FZD3: variants seen among roughly 807,000 people sequenced by gnomAD.
The protein encoded by FZD3 is frizzled class receptor 3.
FZD3 carries 30 observed loss-of-function variants against 60.7 expected under a neutral mutation model. That is an observed-to-expected ratio of 0.49 (90% CI 0.37 to 0.67). FZD3 has a LOEUF of 0.67. Ranked by LOEUF, FZD3 falls within the 30% of genes least tolerant of loss-of-function variation. The probability of loss-of-function intolerance (pLI) is 0.00; values close to 1 mark genes in which losing one functional copy is unlikely to be tolerated. For synonymous variants in FZD3, 246 were observed against 275.2 expected (o/e 0.89, Z 1.05); for missense variants, 605 against 838.7 (o/e 0.72, Z 3.44).
chr8:28,525,177 A>G (rs762755081), intron 4 of FZD3, among the ~76,000 whole-genome samples: 5 of 152,308 alleles, frequency 3.3e-5, no homozygotes, highest in South Asian at 2.1e-4. Context: ...ACACATGTCA[A>G]TTGAATGTCT....
In FZD3 at chr8:28,566,552, T is replaced by C. The variant is rs1295763582; in HGVS notation, c.*3541T>C. The C allele has an allele frequency of 2.0e-5, 3 of 152,220 alleles. No homozygotes were observed. The East Asian group carries it at 5.8e-4, about 29-fold the overall frequency. 9.4% of individuals were successfully genotyped at this position (152,220 alleles called of 1,614,324 possible). On this transcript the variant is annotated 3_prime_UTR_variant, in exon 8 of 8. Coordinates refer to ENST00000240093, the MANE Select transcript of FZD3 (RefSeq NM_017412.4). ...TTTTAACCTACCTCATCAGTTTCTT[T>C]GTGATAATAGCTGAAAATAACTCAA...
chr8:28,502,434 A>G (rs1377625131), intron 2 of FZD3, among the ~76,000 whole-genome samples: 1 of 152,216 alleles, frequency 6.6e-6, no homozygotes, highest in African/African-American at 2.4e-5. Context: ...ACCATGTGTT[A>G]TATAAGCAAC....
At chr8:28,536,660 G>A (rs1805023651) in intron 5 of FZD3, among the ~76,000 whole-genome samples, 1 of 152,150 alleles carries the variant, frequency 6.6e-6, no homozygotes, top group Non-Finnish European at 1.5e-5. Context: ...AGTGAGCCAA[G>A]TTTGTATCAC....
intron 1 of FZD3, among the ~76,000 whole-genome samples, chr8:28,498,697 C>T (rs1393112453): frequency 6.6e-6 from 1 of 152,186 alleles, no homozygotes; most frequent in Non-Finnish European, 1.5e-5. Context: ...CAAGCCCCTC[C>T]TGAATAGCTG....
chr8:28,565,697 C>T lies in FZD3; in HGVS notation c.*2686C>T, dbSNP rs935211336. 6.6e-6 allele frequency: 1 copy of T among 152,056 alleles called. No individual in the cohort carries two copies. The highest frequency in any genetic ancestry group is 1.5e-5 in the Non-Finnish European group (1 of 67,964). 9.4% of individuals were successfully genotyped at this position (152,056 alleles called of 1,614,324 possible). ...GAATACTATATTGACTTTTCAGTTA[C>T]TTTCAGTAAGTATCTTAATTTTGTC... On this transcript the variant is annotated 3_prime_UTR_variant, in exon 8 of 8. Transcript: ENST00000240093.
chr8:28,494,935 C>G (rs557951709), intron 1 of FZD3, among the ~76,000 whole-genome samples: 117 of 152,292 alleles, frequency 7.7e-4, no homozygotes, highest in African/African-American at 2.2e-3. Flanking sequence ...CCCCTCCCGT[C>G]CATCAGTTTG....
intron 4 of FZD3, among the ~76,000 whole-genome samples, chr8:28,523,942 G>A (rs979286020): frequency 3.2e-4 from 48 of 152,046 alleles, no homozygotes; most frequent in Admixed American, 6.6e-5. Flanking sequence ...GGATGAGTTT[G>A]GCCCCTTTTC....
chr8:28,566,828 A>G lies in FZD3; in HGVS notation c.*3817A>G, dbSNP rs1205357048. 2.0e-5 allele frequency: 3 copies of G among 152,200 alleles called. No individual in the cohort carries two copies. Among genetic ancestry groups the G allele is most frequent in the South Asian group, 2.1e-4 (1 of 4,834 alleles). The allele number at this position is 152,200 out of a possible 1,614,324, so 9.4% of individuals were successfully genotyped here. A position where few individuals can be genotyped will look rare whatever the true frequency, so the allele number is the denominator to read the frequency against. On this transcript the variant is annotated 3_prime_UTR_variant, in exon 8 of 8. Coordinates refer to ENST00000240093, the MANE Select transcript of FZD3 (RefSeq NM_017412.4). ...TGGAATTTTAAGACTCATGATGTCA[A>G]CTGGGCTGGTCATTTTATTTCTCTG... is the stretch of plus-strand genomic sequence containing the variant.
At position 28,573,592 on chromosome 8, in the gene FZD3, G is replaced by C. The variant is rs1324625166; in HGVS notation, c.*10581G>C. 1 of 150,268 alleles carries C rather than the reference G, an allele frequency of 6.7e-6. No individual in the cohort carries two copies. The highest frequency in any genetic ancestry group is 1.5e-5 in the Non-Finnish European group (1 of 67,642). 9.3% of individuals were successfully genotyped at this position (150,268 alleles called of 1,614,324 possible). On this transcript the variant is annotated 3_prime_UTR_variant, in exon 8 of 8. Transcript: ENST00000240093. Reference sequence around the variant, plus strand: ...TTTTTTAAGTTCAAGCGCAATGCCTGAAGCATCCTAGATCTCCTTCACCCT... The same window carrying C: ...TTTTTTAAGTTCAAGCGCAATGCCTCAAGCATCCTAGATCTCCTTCACCCT...
chr8:28,558,343 A>G (rs1217824474), intron 7 of FZD3, among the ~76,000 whole-genome samples: 1 of 152,156 alleles, frequency 6.6e-6, no homozygotes, highest in Non-Finnish European at 1.5e-5. Flanking sequence ...GAGTTCTTTT[A>G]GAATATATTT....
At chr8:28,514,544 T>C (rs1490830879) in intron 3 of FZD3, among the ~76,000 whole-genome samples, 1 of 152,190 alleles carries the variant, frequency 6.6e-6, no homozygotes, top group Non-Finnish European at 1.5e-5. Context: ...GTCACCCCGC[T>C]CTCTACTGCC....
chr8:28,522,952 T>G (rs539539401), intron 4 of FZD3, among the ~76,000 whole-genome samples: 1 of 152,108 alleles, frequency 6.6e-6, no homozygotes, highest in Admixed American at 6.5e-5. Flanking sequence ...GCATTTTTGG[T>G]AGAGACGGGG....
intron 5 of FZD3, among the ~76,000 whole-genome samples, chr8:28,542,430 G>A (rs956000590): frequency 1.3e-5 from 2 of 152,132 alleles, no homozygotes; most frequent in African/African-American, 4.8e-5. Flanking sequence ...CTGAGGTAGG[G>A]AGTTCGAGAC....
intron 5 of FZD3, among the ~76,000 whole-genome samples, chr8:28,536,791 A>G (rs1032246124): frequency 3.9e-5 from 6 of 152,212 alleles, no homozygotes; most frequent in East Asian, 3.8e-4. Flanking sequence ...CTGTTGTTTT[A>G]TCTAGTCTTG....
chr8:28,502,842 G>A lies in FZD3; in HGVS notation c.-172G>A. ...GTGAAACCAAAAACAAACGCCTTTT[G>A]TGAGACCAAGCTAACAAACCTCTGA... On this transcript the variant is annotated 5_prime_UTR_variant, in exon 3 of 8. The change creates a new upstream start codon in the 5' untranslated region. Transcript: ENST00000240093. 1 of 416,542 alleles carries A rather than the reference G, an allele frequency of 2.4e-6. No homozygotes were observed. Among genetic ancestry groups the A allele is most frequent in the Admixed American group, 4.2e-5 (1 of 23,868 alleles). 25.8% of individuals were successfully genotyped at this position (416,542 alleles called of 1,614,324 possible).
intron 5 of FZD3, among the ~76,000 whole-genome samples, chr8:28,533,975 A>G (rs548634432): frequency 2.0e-5 from 3 of 152,324 alleles, no homozygotes; most frequent in Admixed American, 2.0e-4. Flanking sequence ...TACTATAAAC[A>G]TGAACTCTTA....
chr8:28,537,552 A>T lies in FZD3; in HGVS notation c.1404+9388A>T, dbSNP rs371261940. Among the ~76,000 whole-genome samples, 4 of 151,884 alleles carry T rather than the reference A, an allele frequency of 2.6e-5. No homozygotes were observed. The Middle Eastern group carries it at 0.01, about 390-fold the overall frequency. On this transcript the variant is annotated intron_variant, in intron 5 of 7. Coordinates refer to ENST00000240093, the MANE Select transcript of FZD3 (RefSeq NM_017412.4). ...GGTACAACTACTCAGCTTTGCTGCT[A>T]TGGTACAAAAGCAGCCATAGACAGT...
At chr8:28,562,329 A>G (rs575570264) in intron 7 of FZD3, among the ~76,000 whole-genome samples, 26 of 152,054 alleles carry the variant, frequency 1.7e-4, no homozygotes, top group African/African-American at 4.1e-4. Flanking sequence ...GGTTACTCCA[A>G]TTTCTCCTCT....
At chr8:28,503,342 A>G (rs951787939) in intron 3 of FZD3, 140 bp downstream of exon 3, 2 of 509,056 alleles carry the variant, frequency 3.9e-6, no homozygotes, top group Middle Eastern at 5.2e-4. Flanking sequence ...TTAAAAATGT[A>G]TATGTTTTGC....
Sources: gnomAD v4.1 joint callset for allele counts (sites outside exome capture counted in the v4.1 genomes callset) on GRCh38, gnomAD v4.1.1 for gene constraint, MANE v1.5 for transcripts, NCBI Gene and HGNC (gene_info 2026-07-23, HGNC 2026-07-21) for gene names.